The following DGKB variants were observed in gnomAD, a reference collection of about 807,000 sequenced individuals.
DGKB encodes the protein 90 kDa diacylglycerol kinase.
Under a neutral mutation model 114.3 loss-of-function variants are expected in DGKB, and 67 were observed. The ratio of observed to expected loss-of-function variants is 0.59; its 90% confidence interval spans 0.48 to 0.72. DGKB has a LOEUF of 0.72. DGKB is among the 30% of genes least tolerant of loss of function. The pLI is 0.00. For missense variants in DGKB, 907 were observed against 975.2 expected (o/e 0.93, Z 0.93); for synonymous variants, 398 against 323.1 (o/e 1.23, Z -2.49).
At chr7:14,416,147 G>C (rs1190211164) in intron 21 of DGKB, among the ~76,000 whole-genome samples, 1 of 152,018 alleles carries the variant, frequency 6.6e-6, no homozygotes, top group Non-Finnish European at 1.5e-5. Flanking sequence ...ATTTGTTTGA[G>C]TTCATTGTAG....
intron 23 of DGKB, among the ~76,000 whole-genome samples, chr7:14,269,806 A>G (rs540476232): frequency 1.3e-5 from 2 of 152,272 alleles, no homozygotes; most frequent in Non-Finnish European, 2.9e-5. Flanking sequence ...GAATATTGTA[A>G]TATGATTTTA....
At chr7:14,176,983 A>C (rs1316072002) in intron 24 of DGKB, 84 bp from the exon 25 acceptor site, 1 of 1,526,822 alleles carries the variant, frequency 6.5e-7, no homozygotes, top group East Asian at 2.3e-5. Flanking sequence ...TGATGAGACC[A>C]GGGAAGGCAA....
chr7:14,673,186 T>C (rs912353089), intron 12 of DGKB, among the ~76,000 whole-genome samples, 159 bp from the exon 13 acceptor site: 1 of 152,048 alleles, frequency 6.6e-6, no homozygotes, highest in Non-Finnish European at 1.5e-5. Context: ...ATAATACATT[T>C]GTCCTTATAT....
At chr7:14,637,216 AT>A (rs1194239757) in intron 13 of DGKB, among the ~76,000 whole-genome samples, 1 of 151,986 alleles carries the variant, frequency 6.6e-6, no homozygotes, top group African/African-American at 2.4e-5. Flanking sequence ...TAACATAAAA[AT>A]TTCAGAGCTG....
chr7:14,271,999 A>G (rs974280106), intron 23 of DGKB, among the ~76,000 whole-genome samples: 2 of 152,216 alleles, frequency 1.3e-5, no homozygotes, highest in African/African-American at 2.4e-5. Context: ...TGTTAGCACT[A>G]TATTTGCATA....
intron 1 of DGKB, among the ~76,000 whole-genome samples, chr7:14,943,144 A>G (rs1330421404): frequency 6.6e-6 from 1 of 151,870 alleles, no homozygotes; most frequent in Non-Finnish European, 1.5e-5. Flanking sequence ...TGAAAATGTC[A>G]TGCTTGCATT....
In DGKB at chr7:14,555,870, C is replaced by G. The variant is rs376893536; in HGVS notation, c.1770+18342G>C. On this transcript the variant is annotated intron_variant, in intron 20 of 25. Coordinates refer to ENST00000402815, the MANE Select transcript of DGKB (RefSeq NM_001350709.2). ...ACATCAGGAAGTTACTTTGAAGGGTCTAAAAAGGGGAGGCATGAATTATCC... is the reference window on the plus strand; with the variant it reads ...ACATCAGGAAGTTACTTTGAAGGGTGTAAAAAGGGGAGGCATGAATTATCC... Among the ~76,000 whole-genome samples, 6 of 152,132 alleles carry G rather than the reference C, an allele frequency of 3.9e-5. No individual in the cohort carries two copies. In the East Asian group the frequency reaches 7.7e-4, roughly 20 times the overall value.
intron 21 of DGKB, among the ~76,000 whole-genome samples, chr7:14,422,565 C>T (rs1465816988): frequency 6.6e-6 from 1 of 151,878 alleles, no homozygotes; most frequent in Non-Finnish European, 1.5e-5. Flanking sequence ...TTTCAAATAC[C>T]CAAAACTGTC....
chr7:14,289,858 A>G (rs905891806), intron 23 of DGKB, among the ~76,000 whole-genome samples: 3 of 152,080 alleles, frequency 2.0e-5, no homozygotes, highest in South Asian at 4.1e-4. Flanking sequence ...GTAAAGGCAA[A>G]CGGAACTTTG....
intron 20 of DGKB, among the ~76,000 whole-genome samples, chr7:14,502,677 C>T (rs1188258116): frequency 2.6e-5 from 4 of 152,006 alleles, no homozygotes; most frequent in Non-Finnish European, 4.4e-5. Flanking sequence ...AGATTGGAAA[C>T]TTAAATTGAG....
At chr7:14,912,612 G>A (rs958600844) in intron 1 of DGKB, among the ~76,000 whole-genome samples, 2 of 152,122 alleles carry the variant, frequency 1.3e-5, no homozygotes, top group African/African-American at 2.4e-5. Context: ...TTAGTGTTAT[G>A]TAGATTCAGC....
rs797005369 is a variant in DGKB at position 14,797,644 on chromosome 7, A to ATT, written c.71-39915_71-39914dup. Among the ~76,000 whole-genome samples the ATT allele has an allele frequency of 1.6e-3, 230 of 144,904 alleles. 1 individual carries two copies. The Middle Eastern group carries it at 0.022, about 14-fold the overall frequency. ...TGAAAGGAATATTTACCATCTATTTATTTTTTTTTTTTCCTGAGGGCTGCC... is the reference window on the plus strand; with the variant it reads ...TGAAAGGAATATTTACCATCTATTTATTTTTTTTTTTTTTCCTGAGGGCTGCC... On this transcript the variant is annotated intron_variant, in intron 2 of 25. Coordinates refer to ENST00000402815, the MANE Select transcript of DGKB (RefSeq NM_001350709.2).
chr7:14,935,878 C>A (rs756084133), intron 1 of DGKB, among the ~76,000 whole-genome samples: 7 of 151,924 alleles, frequency 4.6e-5, no homozygotes, highest in East Asian at 1.9e-4. Context: ...GATTCTAATT[C>A]TAAATGTTTA....
chr7:14,685,396 A>C (rs1432637709), intron 9 of DGKB, 34 bp from the exon 10 acceptor site: 2 of 1,464,558 alleles, frequency 1.4e-6, no homozygotes, highest in South Asian at 2.3e-5. Flanking sequence ...GATTTCACTT[A>C]ATGAAATAAA....
intron 2 of DGKB, among the ~76,000 whole-genome samples, chr7:14,833,566 T>C (rs1384186972): frequency 2.0e-5 from 3 of 152,156 alleles, no homozygotes; most frequent in South Asian, 2.1e-4. Context: ...TGTATTCATT[T>C]CATTGTTAGG....
chr7:14,268,322 C>A lies in DGKB; in HGVS notation c.2122+70193G>T, dbSNP rs116544311. ...GGATGCTGTGAGATTCACCCACCAC[C>A]CACAGGCAGCTGCTCTGAAGAGGAA... On this transcript the variant is annotated intron_variant, in intron 23 of 25. Transcript: ENST00000402815. 2.0e-3 allele frequency among the ~76,000 whole-genome samples: 297 copies of A among 152,106 alleles called. 1 individual carries two copies. The highest frequency in any genetic ancestry group is 6.8e-3 in the African/African-American group (284 of 41,482).
intron 25 of DGKB, among the ~76,000 whole-genome samples, chr7:14,169,909 T>C (rs899976618): frequency 8.6e-5 from 13 of 151,356 alleles, no homozygotes; most frequent in Non-Finnish European, 1.3e-4. Flanking sequence ...CCAAGGTGGG[T>C]GGATCACCTG....
At chr7:14,201,322 A>C (rs143996086) in intron 23 of DGKB, among the ~76,000 whole-genome samples, 1 of 152,120 alleles carries the variant, frequency 6.6e-6, no homozygotes, top group African/African-American at 2.4e-5. Flanking sequence ...AGGGGTTAGA[A>C]TTTCAATATA....
chr7:14,923,310 G>T (rs1333822320), intron 1 of DGKB, among the ~76,000 whole-genome samples: 1 of 151,872 alleles, frequency 6.6e-6, no homozygotes, highest in East Asian at 1.9e-4. Flanking sequence ...TTCCCCTATT[G>T]CACTTTTGTT....
Sources: allele counts gnomAD v4.1 joint callset (sites outside exome capture counted in the v4.1 genomes callset), GRCh38; gene constraint gnomAD v4.1.1; transcripts MANE v1.5; gene names NCBI Gene and HGNC (gene_info 2026-07-23, HGNC 2026-07-21).